MAPRE2: variants seen among roughly 807,000 people sequenced by gnomAD.
MAPRE2 encodes microtubule associated protein RP/EB family member 2.
Under a neutral mutation model 43.2 loss-of-function variants are expected in MAPRE2, and 13 were observed. The ratio of observed to expected loss-of-function variants is 0.30; its 90% CI spans 0.20 to 0.48. The LOEUF (loss-of-function observed/expected upper bound fraction) is 0.48. Among genes scored for constraint, MAPRE2 ranks in the 20% least tolerant of loss-of-function variants. The pLI is 0.99. For missense variants in MAPRE2, 161 were observed against 400.2 expected (o/e 0.40, Z 5.10); for synonymous variants, 135 against 148.8 (o/e 0.91, Z 0.68).
chr18:35,139,054 G>A (rs568683470), intron 6 of MAPRE2, among the ~76,000 whole-genome samples: 3 of 152,172 alleles, frequency 2.0e-5, no homozygotes, highest in East Asian at 3.9e-4. Flanking sequence ...GGCCAAAAGG[G>A]TCAAGACAAG....
At chr18:35,110,286 C>G (rs1371528154) in intron 4 of MAPRE2, among the ~76,000 whole-genome samples, 1 of 151,996 alleles carries the variant, frequency 6.6e-6, no homozygotes, top group Non-Finnish European at 1.5e-5. Flanking sequence ...ATTTAGAAAA[C>G]TTAGTATGAG....
rs78625116 is a variant in MAPRE2 at position 35,136,869 on chromosome 18, T to C, written c.910-3426T>C. ...CTAAAGAATGATAGTTTTCTTACAA[T>C]CACTCACAGCTCAACGGAAAGATGT... On this transcript the variant is annotated intron_variant, in intron 6 of 6. Coordinates refer to ENST00000300249, the MANE Select transcript of MAPRE2 (RefSeq NM_014268.4). Among the ~76,000 whole-genome samples, 525 of 152,354 alleles carry C rather than the reference T, an allele frequency of 3.4e-3. 1 individual carries two copies. The highest frequency in any genetic ancestry group is 0.012 in the African/African-American group (502 of 41,586).
chr18:35,128,478 G>A (rs541773346), intron 5 of MAPRE2, among the ~76,000 whole-genome samples: 1 of 152,110 alleles, frequency 6.6e-6, no homozygotes, highest in South Asian at 2.1e-4. Context: ...ATAAAAAATA[G>A]CAATACAAAC....
At chr18:35,000,992 G>A (rs751782281) in intron 1 of MAPRE2, among the ~76,000 whole-genome samples, 25 of 152,064 alleles carry the variant, frequency 1.6e-4, no homozygotes, top group Admixed American at 3.3e-4. Flanking sequence ...AGATCAATCC[G>A]GAGGCAGGTG....
intron 1 of MAPRE2, chr18:34,988,487 G>C (rs556021279): frequency 6.6e-6 from 1 of 152,110 alleles, no homozygotes; most frequent in Non-Finnish European, 1.5e-5. Context: ...TAGAGAAAGC[G>C]AAGTCTGACA....
chr18:35,105,965 A>T (rs919944829), intron 4 of MAPRE2, among the ~76,000 whole-genome samples: 15 of 151,980 alleles, frequency 9.9e-5, no homozygotes, highest in African/African-American at 3.4e-4. Context: ...TATTTCCCTC[A>T]TGAGCTCTAT....
intron 1 of MAPRE2, among the ~76,000 whole-genome samples, chr18:34,990,508 T>A (rs1291135326): frequency 2.6e-5 from 4 of 152,162 alleles, no homozygotes; most frequent in Admixed American, 1.3e-4. Context: ...AATCTTAATG[T>A]AGGTCATTTT....
At chr18:35,112,783 C>T (rs1463503929) in intron 4 of MAPRE2, among the ~76,000 whole-genome samples, 4 of 152,188 alleles carry the variant, frequency 2.6e-5, no homozygotes. Context: ...CATTTCCCTA[C>T]ATTTTAGTCT....
intron 5 of MAPRE2, 42 bp downstream of exon 5, chr18:35,127,129 T>A (rs562765366): frequency 6.2e-7 from 1 of 1,611,070 alleles, no homozygotes; most frequent in East Asian, 2.2e-5. Flanking sequence ...AGCAGTGACG[T>A]GTGTAAGAGG....
chr18:35,131,085 C>T (rs1020623769), intron 5 of MAPRE2, among the ~76,000 whole-genome samples: 2 of 152,228 alleles, frequency 1.3e-5, no homozygotes, highest in Non-Finnish European at 2.9e-5. Context: ...GAAATTGAGA[C>T]AGATCCACTC....
chr18:34,981,289 G>C (rs750510597), intron 1 of MAPRE2, among the ~76,000 whole-genome samples: 1 of 151,726 alleles, frequency 6.6e-6, no homozygotes, highest in Middle Eastern at 3.4e-3. Context: ...TGAGAGGATC[G>C]CTTGAATCTG....
chr18:35,109,884 C>T (rs554288591), intron 4 of MAPRE2, among the ~76,000 whole-genome samples: 20 of 152,154 alleles, frequency 1.3e-4, no homozygotes, highest in Non-Finnish European at 2.8e-4. Flanking sequence ...TGTTTGTCCC[C>T]TCTGTTTCTT....
chr18:34,986,026 A>G lies in MAPRE2; in HGVS notation c.-70+8947A>G, dbSNP rs117770015. On this transcript the variant is annotated intron_variant, in intron 1 of 7. Coordinates refer to the MAPRE2 transcript ENST00000413393. ...CCAAAAGTCTTCTGCTAACAGGCAA[A>G]CCTTGGTCCCAACTTATTATAAACA... Among the ~76,000 whole-genome samples, 1,341 of 152,046 alleles carry G rather than the reference A, an allele frequency of 8.8e-3. 9 individuals carry two copies. The highest frequency in any genetic ancestry group is 0.015 in the Non-Finnish European group (1,004 of 67,974).
intron 1 of MAPRE2, chr18:34,977,126 A>AC: frequency 6.5e-6 from 1 of 153,290 alleles, no homozygotes; most frequent in Non-Finnish European, 1.5e-5. Flanking sequence ...GCACCCCGAC[A>AC]CCCCCTGCAC....
intron 2 of MAPRE2, among the ~76,000 whole-genome samples, chr18:35,075,305 T>G (rs1180448350): frequency 3.9e-5 from 6 of 152,184 alleles, no homozygotes; most frequent in Non-Finnish European, 7.4e-5. Flanking sequence ...TTTGTGACCA[T>G]TTTTGGCCGC....
intron 3 of MAPRE2, 119 bp downstream of exon 3, chr18:35,097,710 G>A (rs1296288744): frequency 9.5e-6 from 8 of 837,938 alleles, no homozygotes; most frequent in Non-Finnish European, 1.5e-5. Context: ...ACAGTAGGCT[G>A]GGGTCTGTAC....
intron 1 of MAPRE2, among the ~76,000 whole-genome samples, chr18:34,998,975 C>T (rs539700527): frequency 1.5e-4 from 23 of 152,064 alleles, no homozygotes; most frequent in African/African-American, 5.5e-4. Context: ...TAGTATGTTA[C>T]TGTGTTCCTT....
intron 1 of MAPRE2, among the ~76,000 whole-genome samples, chr18:35,063,068 A>G (rs1268379061): frequency 6.6e-6 from 1 of 152,144 alleles, no homozygotes; most frequent in Non-Finnish European, 1.5e-5. Flanking sequence ...TGAACAGAGT[A>G]CATTGGCATG....
rs117429267 is a variant in MAPRE2 at position 35,018,074 on chromosome 18, T to A, written c.-8+12521T>A. Reference sequence around the variant, plus strand: ...TACATCTATTGAGATGATCACAGGGTCTTTGTTTTTAATTCTGTTTATGTG... The same window carrying A: ...TACATCTATTGAGATGATCACAGGGACTTTGTTTTTAATTCTGTTTATGTG... On this transcript the variant is annotated intron_variant, in intron 2 of 7. Coordinates refer to the MAPRE2 transcript ENST00000413393. Among the ~76,000 whole-genome samples the A allele has an allele frequency of 5.7e-4, 86 of 152,118 alleles. No homozygotes were observed. In the East Asian group the frequency reaches 0.015, roughly 27 times the overall value.
Sources: allele counts gnomAD v4.1 joint callset (sites outside exome capture counted in the v4.1 genomes callset), GRCh38; gene constraint gnomAD v4.1.1; transcripts MANE v1.5; gene names NCBI Gene and HGNC (gene_info 2026-07-23, HGNC 2026-07-21).